Variants in DNAH12 observed in about 807,000 individuals in gnomAD.
The protein encoded by DNAH12 is axonemal beta dynein heavy chain 12.
A neutral mutation model predicts 371.5 loss-of-function variants in DNAH12; 285 were observed. The observed-to-expected ratio is 0.77, with a 90% CI of 0.70 to 0.85. DNAH12 has a LOEUF of 0.85. DNAH12 is among the 40% of genes least tolerant of loss of function. DNAH12 has a pLI of 0.00. For synonymous variants in DNAH12, 1,200 were observed against 1,213.0 expected (o/e 0.99, Z 0.22); for missense variants, 3,611 against 3,689.4 (o/e 0.98, Z 0.55).
chr3:57,408,842 A>G (rs942674017), intron 39 of DNAH12, among the ~76,000 whole-genome samples: 5 of 152,178 alleles, frequency 3.3e-5, no homozygotes, highest in African/African-American at 1.2e-4. Context: ...CAAATCTAGA[A>G]GCATGGATGA....
chr3:57,327,071 T>G lies in DNAH12; in HGVS notation c.9979-3452A>C, dbSNP rs562216347. 5.3e-5 allele frequency among the ~76,000 whole-genome samples: 8 copies of G among 151,150 alleles called. No individual in the cohort carries two copies. In the East Asian group the frequency reaches 1.6e-3, roughly 29 times the overall value. On this transcript the variant is annotated intron_variant, in intron 62 of 73. Transcript: ENST00000495027. ...CCAGATTCATAAAGCAAGTCCTGAG[T>G]GACCTACAAAGAGACTTAGACTCCC...
rs1263565089 is a variant in DNAH12, at chr3:57,379,208, C to T, written c.8173G>A (p.Gly2725Ser). 6.6e-6 allele frequency: 1 copy of T among 152,130 alleles called. No homozygotes were observed. Among genetic ancestry groups the T allele is most frequent in the African/African-American group, 2.4e-5 (1 of 41,430 alleles). The allele number at this position is 152,130 out of a possible 1,614,324, so 9.4% of individuals were successfully genotyped here. ...ATGGCCATGATCCACTTACACAGACCCTCAGCTGCAGAAGAAGCTTTAGCA... is the reference window on the plus strand; with the variant it reads ...ATGGCCATGATCCACTTACACAGACTCTCAGCTGCAGAAGAAGCTTTAGCA... ...KVAKASSAAE[G>S]LCKWIMAMEV... Residue 2725 changes from glycine to serine, a missense_variant, in exon 52 of 74, where the codon GGT (glycine) becomes AGT (serine). By Grantham distance (56) the Gly-to-Ser change is moderately conservative. Coordinates refer to ENST00000495027, the MANE Select transcript of DNAH12 (RefSeq NM_001366028.2).
chr3:57,351,669 A>G (rs973401588), intron 60 of DNAH12, among the ~76,000 whole-genome samples: 1 of 152,226 alleles, frequency 6.6e-6, no homozygotes, highest in Non-Finnish European at 1.5e-5. Context: ...TAAAGAATAC[A>G]TATTACTTGC....
At chr3:57,488,360 T>A (rs2067005303) in intron 12 of DNAH12, among the ~76,000 whole-genome samples, 1 of 151,946 alleles carries the variant, frequency 6.6e-6, no homozygotes, top group African/African-American at 2.4e-5. Context: ...ACCCAGCTAA[T>A]TTTTTGTATT....
At chr3:57,421,776 A>G in intron 35 of DNAH12, 70 bp from the exon 36 acceptor site, 3 of 1,502,592 alleles carry the variant, frequency 2.0e-6, no homozygotes, top group Non-Finnish European at 2.7e-6. Flanking sequence ...ACATTAACCA[A>G]AATTCAATAT....
intron 54 of DNAH12, 45 bp from the exon 55 acceptor site, chr3:57,375,561 T>C (rs2063264561): frequency 6.6e-6 from 1 of 152,158 alleles, no homozygotes; most frequent in Non-Finnish European, 1.5e-5. Context: ...CCTTGTTAAC[T>C]GAAATATTTT....
At chr3:57,420,935 G>T (rs1361130099) in intron 36 of DNAH12, among the ~76,000 whole-genome samples, 30 of 138,376 alleles carry the variant, frequency 2.2e-4, no homozygotes, top group East Asian at 1.2e-3. Context: ...AAAAAAGAAA[G>T]AAATAAAGAA....
At chr3:57,488,848 A>G (rs779527800) in intron 12 of DNAH12, among the ~76,000 whole-genome samples, 1 of 152,042 alleles carries the variant, frequency 6.6e-6, no homozygotes, top group Non-Finnish European at 1.5e-5. Context: ...CCCTCTCTAA[A>G]AGGCAAAGTT....
At chr3:57,522,181 G>A (rs754212262) in intron 4 of DNAH12, among the ~76,000 whole-genome samples, 6 of 151,790 alleles carry the variant, frequency 4.0e-5, no homozygotes, top group African/African-American at 9.7e-5. Flanking sequence ...CCAGGATCAC[G>A]CCACTGCACT....
chr3:57,473,383 G>A (rs2066424595), intron 13 of DNAH12, among the ~76,000 whole-genome samples: 1 of 152,068 alleles, frequency 6.6e-6, no homozygotes, highest in African/African-American at 2.4e-5. Context: ...GCTACTTGGA[G>A]GCTGAGGCAG....
At chr3:57,468,319 C>A (rs2066263946) in intron 17 of DNAH12, among the ~76,000 whole-genome samples, 1 of 152,022 alleles carries the variant, frequency 6.6e-6, no homozygotes, top group Non-Finnish European at 1.5e-5. Flanking sequence ...CAGAGTGAGA[C>A]CCTATCTAAA....
At chr3:57,396,990 A>G (rs2063755199) in intron 43 of DNAH12, among the ~76,000 whole-genome samples, 1 of 152,144 alleles carries the variant, frequency 6.6e-6, no homozygotes, top group East Asian at 1.9e-4. Context: ...GTGCCACTGC[A>G]CTCCAGCCTG....
chr3:57,510,906 T>C lies in DNAH12; in HGVS notation c.353A>G (p.His118Arg). The change falls in exon 5 of 74, where the codon CAC (histidine) becomes CGC (arginine). Residue 118 changes from histidine to arginine, a missense_variant. Around this residue, in one of 3 missense-constraint regions of DNAH12, gnomAD observed 1,314 missense variants for 1,398.7 expected, o/e 0.94. Transcript: ENST00000495027. The stretch of plus-strand genomic sequence containing the variant: ...AGACTCAGGTATCAGCCTTAACATG[T>C]GATCCAGCCATTCCTGCTGAATAGG... ...LVPIQQEWLD[H>R]MLRLIPESLK... 1 of 1,614,118 alleles carries C rather than the reference T, an allele frequency of 6.2e-7. No homozygotes were observed. Among genetic ancestry groups the C allele is most frequent in the Non-Finnish European group, 8.5e-7 (1 of 1,180,028 alleles).
intron 45 of DNAH12, among the ~76,000 whole-genome samples, chr3:57,390,115 T>C (rs879048536): frequency 0.44 from 64,192 of 145,786 alleles, 15,106 homozygotes; most frequent in East Asian, 0.59. Flanking sequence ...ATTACAGGCG[T>C]GAGCCACCGT....
chr3:57,462,881 G>A lies in DNAH12; in HGVS notation c.2350-6C>T, dbSNP rs751684278. 7.0e-5 allele frequency: 108 copies of A among 1,545,036 alleles called. No homozygotes were observed. Among genetic ancestry groups the A allele is most frequent in the Non-Finnish European group, 9.2e-5 (105 of 1,143,278 alleles). On this transcript the variant is annotated splice_polypyrimidine_tract_variant and splice_region_variant and intron_variant, in intron 17 of 73. Transcript: ENST00000495027. Reference sequence around the variant, plus strand: ...GAGACAGTAGGAATATATTCCTAATGGCAAAAATATAAACAATTATGAGTC... The same window carrying A: ...GAGACAGTAGGAATATATTCCTAATAGCAAAAATATAAACAATTATGAGTC...
chr3:57,369,323 A>G (rs1245845188), intron 55 of DNAH12, among the ~76,000 whole-genome samples: 1 of 141,240 alleles, frequency 7.1e-6, no homozygotes, highest in Admixed American at 7.5e-5. Context: ...AATTATATAT[A>G]TTTAATATTT....
intron 4 of DNAH12, 53 bp downstream of exon 4, chr3:57,523,530 G>A: frequency 6.9e-7 from 1 of 1,457,998 alleles, no homozygotes; most frequent in Non-Finnish European, 9.4e-7. Flanking sequence ...AAACTACTTT[G>A]CAATAATTTC....
intron 12 of DNAH12, among the ~76,000 whole-genome samples, chr3:57,485,407 CTTT>C (rs57235396): frequency 2.0e-5 from 3 of 149,296 alleles, no homozygotes; most frequent in Non-Finnish European, 4.5e-5. Flanking sequence ...GGCCATTATT[CTTT>C]TTTTTTTTTC....
intron 60 of DNAH12, among the ~76,000 whole-genome samples, chr3:57,341,224 A>G (rs2062388894): frequency 6.6e-6 from 1 of 152,174 alleles, no homozygotes; most frequent in African/African-American, 2.4e-5. Flanking sequence ...TATTCAACAT[A>G]TTAATAGTAC....
Sources: allele counts gnomAD v4.1 joint callset (sites outside exome capture counted in the v4.1 genomes callset), GRCh38; gene constraint gnomAD v4.1.1; regional missense constraint gnomAD v4.1.1; transcripts MANE v1.5; gene names NCBI Gene and HGNC (gene_info 2026-07-23, HGNC 2026-07-21).